The following NECAB3 variants were observed in gnomAD, a reference collection of about 807,000 sequenced individuals.
The protein encoded by NECAB3 is N-terminal EF-hand calcium-binding protein 3.
A neutral mutation model predicts 57.2 loss-of-function variants in NECAB3; 38 were observed. The observed-to-expected ratio is 0.66, with a 90% CI of 0.51 to 0.87. NECAB3 has a LOEUF of 0.87. NECAB3 is among the 40% of genes least tolerant of loss of function. The pLI, the probability that NECAB3 is intolerant of heterozygous loss-of-function variation, is 0.00. For missense variants in NECAB3, 474 were observed against 527.5 expected (o/e 0.90, Z 0.99); for synonymous variants, 223 against 222.6 (o/e 1.00, Z -0.02).
At position 33,669,694 on chromosome 20, in the gene NECAB3, T is replaced by G. The variant is rs2017786704; in HGVS notation, c.282A>C (p.Lys94Asn). The change falls in exon 4 of 12, where the codon AAA becomes AAC. Residue 94 changes from lysine to asparagine, a missense_variant. Physicochemically the swap from Lys to Asn is moderately conservative, Grantham distance 94. Coordinates refer to ENST00000246190, the MANE Select transcript of NECAB3 (RefSeq NM_031232.4). The stretch of plus-strand genomic sequence containing the variant: ...TCCCATGGGCCTACTCACCACACAG[T>G]TTTTCTGTTTCTAAATTGCTGCAGG... ...GHLTDNLETE[K>N]LCDYFSEHLG... 1 of 1,596,258 alleles carries G rather than the reference T, an allele frequency of 6.3e-7. No individual in the cohort carries two copies. The highest frequency in any genetic ancestry group is 8.5e-7 in the Non-Finnish European group (1 of 1,171,198).
chr20:33,669,641 G>T, intron 4 of NECAB3, 46 bp downstream of exon 4: 1 of 1,558,128 alleles, frequency 6.4e-7, no homozygotes. Flanking sequence ...ACGTACCCTG[G>T]GGCCCAGGGG....
At chr20:33,668,898 C>T (rs895400931) in intron 5 of NECAB3, among the ~76,000 whole-genome samples, 4 of 152,358 alleles carry the variant, frequency 2.6e-5, no homozygotes, top group Admixed American at 6.5e-5. Flanking sequence ...TGTGTATACA[C>T]GTGTCCACAC....
intron 8 of NECAB3, 135 bp from the exon 9 acceptor site, chr20:33,658,969 G>T: frequency 1.5e-6 from 1 of 645,506 alleles, no homozygotes; most frequent in Middle Eastern, 4.2e-4. Flanking sequence ...CACCCAGGCT[G>T]GAGTGCAGTG....
chr20:33,667,764 G>A, intron 5 of NECAB3: 1 of 1,612,508 alleles, frequency 6.2e-7, no homozygotes, highest in Non-Finnish European at 8.5e-7. Context: ...ACGTGTCCCT[G>A]GACTTCGAGG....
At chr20:33,659,100 T>C (rs566367462) in intron 8 of NECAB3, among the ~76,000 whole-genome samples, 2 of 152,136 alleles carry the variant, frequency 1.3e-5, no homozygotes, top group Non-Finnish European at 2.9e-5. Context: ...CCTAGCCTTC[T>C]TGACTGATGC....
At chr20:33,663,759 G>A in intron 5 of NECAB3, 1 of 1,461,122 alleles carries the variant, frequency 6.8e-7, no homozygotes, top group Non-Finnish European at 9.0e-7. Flanking sequence ...CTCTGAGCTG[G>A]CCGCGGCTGC....
In NECAB3 at chr20:33,662,795, G is replaced by C. The variant is rs139136851; in HGVS notation, c.388-2400C>G. 2.9e-3 allele frequency: 798 copies of C among 279,062 alleles called. 8 individuals are homozygous for C. The highest frequency in any genetic ancestry group is 0.016 in the African/African-American group (725 of 45,070). 17.3% of individuals were successfully genotyped at this position (279,062 alleles called of 1,614,324 possible). ...TCTCTACAAAAATTAAAACTTAGCT[G>C]GTTGTGGTGGTGAATGCCCGCAGTC... On this transcript the variant is annotated intron_variant, in intron 5 of 11. Coordinates refer to ENST00000246190, the MANE Select transcript of NECAB3 (RefSeq NM_031232.4).
chr20:33,672,487 A>T, intron 1 of NECAB3, 65 bp from the exon 2 acceptor site: 1 of 1,600,378 alleles, frequency 6.2e-7, no homozygotes. Flanking sequence ...GCCCCCACTC[A>T]ACCCGACAGG....
intron 5 of NECAB3, chr20:33,662,124 T>TA: frequency 1.8e-6 from 1 of 554,502 alleles, no homozygotes; most frequent in African/African-American, 1.9e-5. Flanking sequence ...CTAAGCACCT[T>TA]ACATGCATTG....
intron 2 of NECAB3, chr20:33,671,999 G>A (rs2017838135): frequency 2.3e-5 from 5 of 215,492 alleles, no homozygotes; most frequent in East Asian, 1.2e-4. Flanking sequence ...ACCCAAGTTC[G>A]AGCCTATCAA....
At chr20:33,669,748 G>T (rs1300868758) in intron 3 of NECAB3, 36 bp from the exon 4 acceptor site, 11 of 1,558,354 alleles carry the variant, frequency 7.1e-6, no homozygotes, top group African/African-American at 1.4e-5. Context: ...TCAGACCTGG[G>T]CCTGGTAAAC....
chr20:33,663,497 C>G, intron 5 of NECAB3: 1 of 1,587,536 alleles, frequency 6.3e-7, no homozygotes, highest in African/African-American at 1.4e-5. Flanking sequence ...GGCCCTAGCG[C>G]GCTCTCCCGC....
rs1267829658 is a variant in NECAB3, at chr20:33,674,305, C to T, written c.48G>A (p.Ala16=). 11 of 1,221,586 alleles carry T rather than the reference C, an allele frequency of 9.0e-6. No individual in the cohort carries two copies. In the East Asian group the frequency reaches 2.6e-4, roughly 29 times the overall value. 75.7% of individuals were successfully genotyped at this position (1,221,586 alleles called of 1,614,324 possible). A position where few individuals can be genotyped will look rare whatever the true frequency, so the allele number is the denominator to read the frequency against. ...LLTVCLLRPP[A]PQPQPQTPRH... ...GCGGGGTCTGGGGCTGGGGCTGGGG[C>T]GCGGGCGGCCGGAGCAGGCACACGG... The change falls in exon 1 of 12, where the codon GCG becomes GCA. Residue 16 remains alanine, a synonymous_variant. Coordinates refer to ENST00000246190, the MANE Select transcript of NECAB3 (RefSeq NM_031232.4).
chr20:33,660,411 G>A lies in NECAB3; in HGVS notation c.388-16C>T. On this transcript the variant is annotated splice_polypyrimidine_tract_variant and intron_variant, in intron 5 of 11. Transcript: ENST00000246190. The surrounding 1 kb of genome is among the most constrained non-coding windows in gnomAD (Gnocchi z 4.1). Reference sequence around the variant, plus strand: ...TCTCGTACTCCTGTGGGCCAAGGAGGGACGGTCAGCATCTCCCAGCCCGGG... The same window carrying A: ...TCTCGTACTCCTGTGGGCCAAGGAGAGACGGTCAGCATCTCCCAGCCCGGG... The A allele has an allele frequency of 1.9e-6, 3 of 1,610,682 alleles. No homozygotes were observed. The highest frequency in any genetic ancestry group is 2.5e-6 in the Non-Finnish European group (3 of 1,177,768).
In NECAB3 at chr20:33,670,601, A is replaced by G. The variant is rs1472814889; in HGVS notation, c.263+83T>C. 21 of 1,017,114 alleles carry G rather than the reference A, an allele frequency of 2.1e-5. No individual in the cohort carries two copies. In the East Asian group the frequency reaches 5.1e-4, roughly 25 times the overall value. The allele number at this position is 1,017,114 out of a possible 1,614,324, so 63.0% of individuals were successfully genotyped here. On this transcript the variant is annotated intron_variant, in intron 3 of 11. Transcript: ENST00000246190. ...CCCTGCCCCCTCTTCCTCATCCTAC[A>G]AAAGGAACCAAGGCAGCAGGGGACA...
At position 33,667,534 on chromosome 20, in the gene NECAB3, G is replaced by A. The variant is rs765433587; in HGVS notation, c.387+1841C>T. The A allele has an allele frequency of 5.8e-6, 9 of 1,541,588 alleles. No individual in the cohort carries two copies. The South Asian group carries it at 8.2e-5, about 14-fold the overall frequency. ...CGCGTTGCTGGCGCTCTGCTCCACC[G>A]GCGCGTTCAGCGGGCTGGCCGTGGA... On this transcript the variant is annotated intron_variant, in intron 5 of 11. Coordinates refer to ENST00000246190, the MANE Select transcript of NECAB3 (RefSeq NM_031232.4).
chr20:33,660,094 G>A lies in NECAB3; in HGVS notation c.525-91C>T. On this transcript the variant is annotated intron_variant, in intron 6 of 11. Transcript: ENST00000246190. This position sits in a 1 kb window ranked among gnomAD's most constrained non-coding sequence, Gnocchi z 4.1. ...AAGACAAGCCTCCTGGGACTCCGAG[G>A]CCTAGCCCCAAAGCCAGTCTCATTT... 2.0e-6 allele frequency: 3 copies of A among 1,521,402 alleles called. No individual in the cohort carries two copies. The highest frequency in any genetic ancestry group is 2.6e-6 in the Non-Finnish European group (3 of 1,136,624). The allele number at this position is 1,521,402 out of a possible 1,614,324, so 94.2% of individuals were successfully genotyped here.
At chr20:33,671,432 A>T (rs1233479701) in intron 2 of NECAB3, among the ~76,000 whole-genome samples, 1 of 152,134 alleles carries the variant, frequency 6.6e-6, no homozygotes, top group Non-Finnish European at 1.5e-5. Flanking sequence ...ACCTCCCCAG[A>T]CAGAACTCCC....
chr20:33,661,217 T>C (rs1170108797), intron 5 of NECAB3, among the ~76,000 whole-genome samples: 2 of 152,118 alleles, frequency 1.3e-5, no homozygotes, highest in Non-Finnish European at 2.9e-5. Context: ...CCATCTATCG[T>C]CAAGTGTAAT....
Sources: gnomAD v4.1 joint callset for allele counts (sites outside exome capture counted in the v4.1 genomes callset) on GRCh38, gnomAD v4.1.1 for gene constraint, Gnocchi (gnomAD v3.1) non-coding constraint, MANE v1.5 for transcripts, NCBI Gene and HGNC (gene_info 2026-07-23, HGNC 2026-07-21) for gene names.